The following KIF15 variants were observed in gnomAD, a reference collection of about 807,000 sequenced individuals.
The protein encoded by KIF15 is kinesin family member 15.
Under a neutral mutation model 190.6 loss-of-function variants are expected in KIF15, and 140 were observed. The observed-to-expected ratio is 0.73, with a 90% confidence interval of 0.64 to 0.84. The LOEUF (loss-of-function observed/expected upper bound fraction) is 0.84, where lower values mean the gene tolerates loss of function less well. Ranked by LOEUF, KIF15 falls within the 40% of genes least tolerant of loss-of-function variation. KIF15 has a pLI of 0.00. For missense variants in KIF15, 1,372 were observed against 1,584.4 expected (o/e 0.87, Z 2.28); for synonymous variants, 528 against 551.3 (o/e 0.96, Z 0.59).
chr3:44,844,823 T>G (rs950606), intron 30 of KIF15, among the ~76,000 whole-genome samples: 2,828 of 152,266 alleles, frequency 0.019, 74 homozygotes, highest in African/African-American at 0.063. Context: ...CCTTTGGTTT[T>G]TCACAGATGG....
intron 24 of KIF15, 144 bp downstream of exon 24, chr3:44,828,444 C>T: frequency 1.7e-6 from 1 of 575,440 alleles, no homozygotes; most frequent in South Asian, 2.4e-5. Flanking sequence ...CCTTGTTCAT[C>T]CTCCAAGGTT....
At chr3:44,824,786 G>C (rs776420037) in intron 20 of KIF15, among the ~76,000 whole-genome samples, 2 of 152,150 alleles carry the variant, frequency 1.3e-5, no homozygotes, top group Non-Finnish European at 2.9e-5. Flanking sequence ...TTGAGACAGT[G>C]TCTCACTTTG....
chr3:44,836,908 G>A (rs1247300500), intron 26 of KIF15, among the ~76,000 whole-genome samples: 4 of 152,210 alleles, frequency 2.6e-5, no homozygotes, highest in African/African-American at 4.8e-5. Context: ...AAAGGAGTTG[G>A]TTAACAGGAA....
At chr3:44,791,675 C>T (rs1706706267) in intron 7 of KIF15, among the ~76,000 whole-genome samples, 1 of 152,030 alleles carries the variant, frequency 6.6e-6, no homozygotes, top group African/African-American at 2.4e-5. Flanking sequence ...TGCTTTTTCC[C>T]CTTATGTTAC....
intron 16 of KIF15, among the ~76,000 whole-genome samples, chr3:44,807,939 T>C (rs1707591424): frequency 6.6e-6 from 1 of 152,058 alleles, no homozygotes. Flanking sequence ...TATTTATTTT[T>C]GGTTTTGTTT....
intron 26 of KIF15, among the ~76,000 whole-genome samples, chr3:44,836,941 A>G (rs1489285584): frequency 1.3e-5 from 2 of 152,238 alleles, no homozygotes; most frequent in African/African-American, 4.8e-5. Context: ...TTAGGCAGCC[A>G]TGACAGGTGA....
intron 8 of KIF15, among the ~76,000 whole-genome samples, chr3:44,796,456 T>C (rs1706982157): frequency 6.6e-6 from 1 of 152,204 alleles, no homozygotes; most frequent in Admixed American, 6.5e-5. Context: ...CTCTGGGAAG[T>C]AGGTGCTATT....
chr3:44,794,409 G>C lies in KIF15; in HGVS notation c.832G>C (p.Glu278Gln), dbSNP rs1294026900. 6.2e-7 allele frequency: 1 copy of C among 1,602,292 alleles called. No homozygotes were observed. Among genetic ancestry groups the C allele is most frequent in the Non-Finnish European group, 8.5e-7 (1 of 1,173,598 alleles). Residue 278 changes from glutamate (E) to glutamine (Q), a missense_variant, in exon 8 of 35, where the codon GAA (glutamate) becomes CAA (glutamine). By Grantham distance (29) the Glu-to-Gln change is conservative. Coordinates refer to ENST00000326047, the MANE Select transcript of KIF15 (RefSeq NM_020242.3). ...GSERQKDTHA[E>Q]GMRLKEAGNI... ...TGAAAGGCAAAAAGATACCCATGCA[G>C]AAGGGATGAGATTGAAGGTAAGAAT... is the stretch of plus-strand genomic sequence containing the variant.
intron 10 of KIF15, among the ~76,000 whole-genome samples, chr3:44,798,880 A>G (rs1383669060): frequency 6.6e-6 from 1 of 152,194 alleles, no homozygotes; most frequent in Non-Finnish European, 1.5e-5. Context: ...CAGTCCTACA[A>G]GACTGCGCCC....
chr3:44,803,380 A>G (rs1438013106), intron 14 of KIF15, among the ~76,000 whole-genome samples: 2 of 152,358 alleles, frequency 1.3e-5, no homozygotes, highest in East Asian at 3.9e-4. Flanking sequence ...CCTGTGCAGT[A>G]TAAGAGATAT....
intron 1 of KIF15, among the ~76,000 whole-genome samples, chr3:44,766,806 T>TG (rs1452278797): frequency 2.0e-5 from 3 of 148,128 alleles, no homozygotes; most frequent in African/African-American, 7.4e-5. Context: ...TTTCTTTCTT[T>TG]CTTTTTTTTT....
intron 26 of KIF15, among the ~76,000 whole-genome samples, chr3:44,834,992 T>G (rs980487063): frequency 1.3e-5 from 2 of 148,968 alleles, no homozygotes; most frequent in African/African-American, 4.9e-5. Context: ...ATGTTATAAT[T>G]AAAATAATAT....
At chr3:44,771,230 C>A (rs543518051) in intron 1 of KIF15, among the ~76,000 whole-genome samples, 1 of 151,994 alleles carries the variant, frequency 6.6e-6, no homozygotes, top group African/African-American at 2.4e-5. Context: ...ACATAACAAC[C>A]TTAATTGTGA....
intron 3 of KIF15, 117 bp from the exon 4 acceptor site, chr3:44,777,998 G>A (rs913239308): frequency 3.9e-6 from 3 of 767,622 alleles, no homozygotes; most frequent in African/African-American, 1.7e-5. Flanking sequence ...CCTTTTTTCT[G>A]TAGTGGATGT....
At chr3:44,771,596 C>T (rs183595459) in intron 1 of KIF15, among the ~76,000 whole-genome samples, 3 of 152,222 alleles carry the variant, frequency 2.0e-5, no homozygotes, top group Admixed American at 1.3e-4. Context: ...AGGTTTAAAA[C>T]ATTTGATTTT....
chr3:44,829,671 ATATATG>A (rs1697945082), intron 24 of KIF15, among the ~76,000 whole-genome samples: 1 of 128,384 alleles, frequency 7.8e-6, no homozygotes, highest in Non-Finnish European at 1.6e-5. Context: ...TGTATATATA[ATATATG>A]TATATATATT....
rs144259244 is a variant in KIF15, at chr3:44,813,856, G to A, written c.2383+676G>A. On this transcript the variant is annotated intron_variant, in intron 19 of 34. Coordinates refer to ENST00000326047, the MANE Select transcript of KIF15 (RefSeq NM_020242.3). ...TGGTCATGAACTCCTGACCTCAGGT[G>A]ATCCACCCACCTCGGCCTCCCAAAG... Among the ~76,000 whole-genome samples, 585 of 152,178 alleles carry A rather than the reference G, an allele frequency of 3.8e-3. 2 individuals carry two copies. The highest frequency in any genetic ancestry group is 0.013 in the African/African-American group (550 of 41,532).
intron 6 of KIF15, among the ~76,000 whole-genome samples, chr3:44,858,909 G>A (rs1179386595): frequency 6.6e-6 from 1 of 152,222 alleles, no homozygotes. Flanking sequence ...GACGGTCCAG[G>A]GGGCCTCCAA....
chr3:44,830,132 T>C, intron 25 of KIF15, 57 bp downstream of exon 25: 1 of 881,254 alleles, frequency 1.1e-6, no homozygotes, highest in African/African-American at 1.7e-5. Flanking sequence ...TCACAGACTT[T>C]TCAAGAGTTT....
Sources: gnomAD v4.1 joint callset for allele counts (sites outside exome capture counted in the v4.1 genomes callset) on GRCh38, gnomAD v4.1.1 for gene constraint, MANE v1.5 for transcripts, NCBI Gene and HGNC (gene_info 2026-07-23, HGNC 2026-07-21) for gene names.